Variants in CAPN15 observed in about 807,000 individuals in gnomAD.
The protein encoded by CAPN15 is calpain 15, also known as calpain-15.
CAPN15 carries 53 observed loss-of-function variants against 97.9 expected under a neutral mutation model. The ratio of observed to expected loss-of-function variants is 0.54; its 90% CI spans 0.43 to 0.68. The LOEUF is 0.68. Among genes scored for constraint, CAPN15 ranks in the 30% least tolerant of loss-of-function variants. CAPN15 has a pLI of 0.00. For synonymous variants in CAPN15, 922 were observed against 722.5 expected (o/e 1.28, Z -4.43); for missense variants, 1,592 against 1,589.8 (o/e 1.00, Z -0.02).
Position 547,537 on chromosome 16 carries a change from C to G in CAPN15, c.699C>G (p.Ser233Arg). 1 of 1,597,798 alleles carries G rather than the reference C, an allele frequency of 6.3e-7. No individual in the cohort carries two copies. The highest frequency in any genetic ancestry group is 8.5e-7 in the Non-Finnish European group (1 of 1,178,888). ...AGCCGCCCAGGGTCCCGCCCTTCAG[C>G]CCCTTCTCGTCCACCCTGCAGAACA... ...EPEPPRVPPF[S>R]PFSSTLQNNP... Residue 233 changes from serine (S) to arginine (R), a missense_variant, in exon 4 of 14, where the codon AGC becomes AGG. Coordinates refer to ENST00000219611, the MANE Select transcript of CAPN15 (RefSeq NM_005632.3).
At chr16:548,415 G>A in intron 4 of CAPN15, 128 bp downstream of exon 4, 2 of 935,278 alleles carry the variant, frequency 2.1e-6, no homozygotes, top group Non-Finnish European at 1.5e-6. Flanking sequence ...GGGGAGGGCA[G>A]CACCCTCCGC....
intron 1 of CAPN15, 56 bp from the exon 2 acceptor site, chr16:533,890 G>T: frequency 2.2e-6 from 2 of 897,916 alleles, no homozygotes; most frequent in Non-Finnish European, 2.7e-6. Context: ...TGTGTTCCAG[G>T]GTCAGAGTCC....
intron 3 of CAPN15, chr16:537,664 A>G (rs1403194664): frequency 1.3e-5 from 2 of 158,558 alleles, no homozygotes; most frequent in Non-Finnish European, 1.4e-5. Flanking sequence ...GAAATGCCCA[A>G]CCCGTCTCCC....
chr16:531,447 A>C (rs1369960488), intron 1 of CAPN15, among the ~76,000 whole-genome samples: 39 of 113,450 alleles, frequency 3.4e-4, no homozygotes, highest in South Asian at 5.7e-4. Flanking sequence ...CCTACCCCCC[A>C]CCTCCCTGTC....
chr16:548,139 C>A lies in CAPN15; in HGVS notation c.1301C>A (p.Ala434Asp). The A allele has an allele frequency of 6.5e-7, 1 of 1,530,752 alleles. No individual in the cohort carries two copies. Among genetic ancestry groups the A allele is most frequent in the Non-Finnish European group, 8.8e-7 (1 of 1,139,486 alleles). 94.8% of individuals were successfully genotyped at this position (1,530,752 alleles called of 1,614,324 possible). The change falls in exon 4 of 14, where the codon GCC becomes GAC. Residue 434 changes from alanine to aspartate, a missense_variant. Transcript: ENST00000219611. ...LNALRAKHCAACHTPQLLVAQ... is the reference protein window; with the variant it reads ...LNALRAKHCADCHTPQLLVAQ... ...GCACTGCGGGCCAAGCACTGCGCCG[C>A]CTGCCACACGCCTCAGCTCCTGGTG...
chr16:539,173 C>T (rs533530933), intron 3 of CAPN15: 3 of 152,472 alleles, frequency 2.0e-5, no homozygotes, highest in Admixed American at 1.3e-4. Context: ...CTTACTTGAC[C>T]CTTTCCTCCT....
At chr16:537,470 G>A (rs2033812034) in intron 3 of CAPN15, 2 of 984,780 alleles carry the variant, frequency 2.0e-6, no homozygotes, top group African/African-American at 3.5e-5. Context: ...CGAAGGAGCT[G>A]AGGTTGGCCC....
At position 549,109 on chromosome 16, in the gene CAPN15, C is replaced by T. The variant is rs746397085; in HGVS notation, c.1566C>T (p.Asn522=). The T allele has an allele frequency of 1.2e-6, 2 of 1,612,460 alleles. No homozygotes were observed. Among genetic ancestry groups the T allele is most frequent in the South Asian group, 2.2e-5 (2 of 91,090 alleles). Residue 522 remains asparagine, a synonymous_variant, in exon 5 of 14, where the codon AAC becomes AAT. Coordinates refer to ENST00000219611, the MANE Select transcript of CAPN15 (RefSeq NM_005632.3). ...VRQWLRPQEI[N]CSVFRDHRAT... ...AGTGGCTGCGACCCCAGGAGATCAA[C>T]TGCTCCGTCTTCAGGGACCACAGGG...
chr16:550,401 C>T (rs553940314), intron 7 of CAPN15, among the ~76,000 whole-genome samples: 2 of 152,368 alleles, frequency 1.3e-5, no homozygotes, highest in Non-Finnish European at 2.9e-5. Flanking sequence ...GACTCAGGCC[C>T]TGTGCGCTTC....
Position 553,949 on chromosome 16 carries a change from G to C in CAPN15, c.*433G>C. On this transcript the variant is annotated 3_prime_UTR_variant, in exon 14 of 14. Coordinates refer to ENST00000219611, the MANE Select transcript of CAPN15 (RefSeq NM_005632.3). ...CCACCCCTCACGGGGCATAAGGTCA[G>C]TTTTCCCCCAGAGCCCGGGTCCCTG... The C allele has an allele frequency of 5.3e-6, 1 of 190,282 alleles. No homozygotes were observed. The highest frequency in any genetic ancestry group is 1.0e-5 in the Non-Finnish European group (1 of 96,138). 11.8% of individuals were successfully genotyped at this position (190,282 alleles called of 1,614,324 possible). A position where few individuals can be genotyped will look rare whatever the true frequency, so the allele number is the denominator to read the frequency against.
chr16:552,828 C>T lies in CAPN15; in HGVS notation c.2905-35C>T, dbSNP rs200420753. 1,305 of 1,569,930 alleles carry T rather than the reference C, an allele frequency of 8.3e-4. 11 individuals carry two copies. In the African/African-American group the frequency reaches 0.015, roughly 18 times the overall value. On this transcript the variant is annotated intron_variant, in intron 12 of 13. Coordinates refer to ENST00000219611, the MANE Select transcript of CAPN15 (RefSeq NM_005632.3). The surrounding 1 kb of genome is among the most constrained non-coding windows in gnomAD (Gnocchi z 6.4). The stretch of plus-strand genomic sequence containing the variant: ...GGGCAGGGGGAGTATGCCCCAGCAC[C>T]TCCCCTGCCCCACAACTGCCATTCC...
At position 552,814 on chromosome 16, in the gene CAPN15, G is replaced by C; in HGVS notation, c.2904+43G>C. On this transcript the variant is annotated intron_variant, in intron 12 of 13. Coordinates refer to ENST00000219611, the MANE Select transcript of CAPN15 (RefSeq NM_005632.3). The surrounding 1 kb of genome is among the most constrained non-coding windows in gnomAD (Gnocchi z 6.4). ...GGGAGGGTGGCGTGGGGCAGGGGGA[G>C]TATGCCCCAGCACCTCCCCTGCCCC... The C allele has an allele frequency of 1.3e-6, 2 of 1,545,314 alleles. No homozygotes were observed. The highest frequency in any genetic ancestry group is 1.7e-6 in the Non-Finnish European group (2 of 1,143,996).
In CAPN15 at chr16:547,799, A is replaced by T; in HGVS notation, c.961A>T (p.Ile321Phe). Residue 321 changes from isoleucine (I) to phenylalanine (F), a missense_variant, in exon 4 of 14, where the codon ATC (isoleucine) becomes TTC (phenylalanine). By Grantham distance (21) the Ile-to-Phe change is conservative. Around this residue, in one of 3 missense-constraint regions of CAPN15, gnomAD observed 883 missense variants for 776.6 expected, o/e 1.14. Transcript: ENST00000219611. ...CGGCAGCTCCACCTCGGGCAGTGAC[A>T]TCATTGACCTGGCCGGAGACACCGT... ...EAGSSTSGSD[I>F]IDLAGDTVRY... The T allele has an allele frequency of 6.2e-7, 1 of 1,612,034 alleles. No individual in the cohort carries two copies. Among genetic ancestry groups the T allele is most frequent in the Non-Finnish European group, 8.5e-7 (1 of 1,179,658 alleles).
Position 551,495 on chromosome 16 carries a change from A to C in CAPN15, c.2193-17A>C, listed in dbSNP as rs776469530. The C allele has an allele frequency of 6.2e-7, 1 of 1,603,880 alleles. No individual in the cohort carries two copies. The highest frequency in any genetic ancestry group is 8.5e-7 in the Non-Finnish European group (1 of 1,172,972). On this transcript the variant is annotated splice_polypyrimidine_tract_variant and intron_variant, in intron 8 of 13. Coordinates refer to ENST00000219611, the MANE Select transcript of CAPN15 (RefSeq NM_005632.3). The stretch of plus-strand genomic sequence containing the variant: ...CTCGGGCAGTGTGGTTCAGATCCTC[A>C]CCCCTGTGGTCTGCAGGCTTCTGCG...
rs1356132795 is a variant in CAPN15, at chr16:547,553, C to G, written c.715C>G (p.Leu239Val). ...GCCCTTCAGCCCCTTCTCGTCCACC[C>G]TGCAGAACAACCCCGTGCCGCGCAG... ...VPPFSPFSST[L>V]QNNPVPRSRR... The change falls in exon 4 of 14, where the codon CTG becomes GTG. Residue 239 changes from leucine (L) to valine (V), a missense_variant. Physicochemically the swap from Leu to Val is conservative, Grantham distance 32. Coordinates refer to ENST00000219611, the MANE Select transcript of CAPN15 (RefSeq NM_005632.3). The G allele has an allele frequency of 6.3e-7, 1 of 1,596,248 alleles. No individual in the cohort carries two copies. The highest frequency in any genetic ancestry group is 1.7e-5 in the Admixed American group (1 of 59,866).
chr16:533,333 A>C (rs2033408161), intron 1 of CAPN15, among the ~76,000 whole-genome samples: 1 of 152,258 alleles, frequency 6.6e-6, no homozygotes, highest in Non-Finnish European at 1.5e-5. Flanking sequence ...AAGCGTGAGC[A>C]TCCTGCCCAC....
At chr16:545,691 G>C (rs989513890) in intron 3 of CAPN15, among the ~76,000 whole-genome samples, 1 of 152,204 alleles carries the variant, frequency 6.6e-6, no homozygotes, top group East Asian at 1.9e-4. Context: ...CTTGCTAGTC[G>C]GTGACAACTA....
Position 551,601 on chromosome 16 carries a change from G to C in CAPN15, c.2282G>C (p.Gly761Ala). 1 of 1,608,488 alleles carries C rather than the reference G, an allele frequency of 6.2e-7. No individual in the cohort carries two copies. The highest frequency in any genetic ancestry group is 8.5e-7 in the Non-Finnish European group (1 of 1,178,954). ...EWPHWPGHLR[G>A]ELMPHGSSEG... is the part of the protein sequence containing the mutation. The stretch of plus-strand genomic sequence containing the variant: ...CCACACTGGCCGGGGCACCTGCGTG[G>C]CGAGCTCATGCCGCACGGCAGCAGT... Residue 761 changes from glycine to alanine, a missense_variant, in exon 9 of 14, where the codon GGC becomes GCC. This residue lies in a region of CAPN15 where 644 missense variants were observed against 699.6 expected (regional missense o/e 0.92). Coordinates refer to ENST00000219611, the MANE Select transcript of CAPN15 (RefSeq NM_005632.3).
rs1322571357 is a variant in CAPN15 at position 527,751 on chromosome 16, G to C, written c.-468G>C. The C allele has an allele frequency of 1.3e-5, 2 of 150,334 alleles. No individual in the cohort carries two copies. The highest frequency in any genetic ancestry group is 3.0e-5 in the Non-Finnish European group (2 of 67,346). 9.3% of individuals were successfully genotyped at this position (150,334 alleles called of 1,614,324 possible). ...CGATTCACAGCGCCGCGTGCGCCCCGGGCGCGCCGTAGCCGCGGGGCCCGG... is the reference window on the plus strand; with the variant it reads ...CGATTCACAGCGCCGCGTGCGCCCCCGGCGCGCCGTAGCCGCGGGGCCCGG... On this transcript the variant is annotated 5_prime_UTR_variant, in exon 1 of 14. Coordinates refer to ENST00000219611, the MANE Select transcript of CAPN15 (RefSeq NM_005632.3).
Sources: allele counts gnomAD v4.1 joint callset (sites outside exome capture counted in the v4.1 genomes callset), GRCh38; gene constraint gnomAD v4.1.1; regional missense constraint gnomAD v4.1.1; non-coding constraint Gnocchi (gnomAD v3.1); transcripts MANE v1.5; gene names NCBI Gene and HGNC (gene_info 2026-07-23, HGNC 2026-07-21).